The following OPRK1 variants were observed in gnomAD, a reference collection of about 807,000 sequenced individuals.
OPRK1 encodes the protein opioid receptor kappa 1.
In OPRK1, 15 loss-of-function variants were observed where a neutral mutation model predicts 24.5. The ratio of observed to expected loss-of-function variants is 0.61; its 90% CI spans 0.41 to 0.94. The LOEUF is 0.94. OPRK1 is among the 40% of genes least tolerant of loss of function. OPRK1 has a pLI of 0.00. For synonymous variants in OPRK1, 205 were observed against 198.0 expected (o/e 1.04, Z -0.30); for missense variants, 479 against 507.3 (o/e 0.94, Z 0.54).
intron 2 of OPRK1, among the ~76,000 whole-genome samples, chr8:53,248,778 G>C (rs1260069460): frequency 6.6e-6 from 1 of 152,206 alleles, no homozygotes; most frequent in Non-Finnish European, 1.5e-5. Context: ...AAGTGAACTA[G>C]ATAGATTTCA....
At chr8:53,233,911 C>G (rs1343798041) in intron 3 of OPRK1, among the ~76,000 whole-genome samples, 1 of 152,046 alleles carries the variant, frequency 6.6e-6, no homozygotes, top group Non-Finnish European at 1.5e-5. Context: ...AAAACATCAA[C>G]AGGGGGCCGG....
intron 2 of OPRK1, among the ~76,000 whole-genome samples, chr8:53,247,899 G>C (rs2128810466): frequency 6.9e-6 from 1 of 145,644 alleles, no homozygotes; most frequent in South Asian, 2.2e-4. Flanking sequence ...GCTGAGGTGA[G>C]AGAATTGCTT....
At chr8:53,240,153 A>G (rs1376393699) in intron 2 of OPRK1, among the ~76,000 whole-genome samples, 1 of 152,224 alleles carries the variant, frequency 6.6e-6, no homozygotes, top group African/African-American at 2.4e-5. Context: ...TGTCATGTAC[A>G]TTGTGGAATT....
At chr8:53,235,671 T>C (rs920485986) in intron 2 of OPRK1, among the ~76,000 whole-genome samples, 2 of 152,224 alleles carry the variant, frequency 1.3e-5, no homozygotes, top group Non-Finnish European at 2.9e-5. Context: ...TAATTTGTCA[T>C]TTTAAATATA....
At chr8:53,249,072 T>C (rs1190196487) in intron 2 of OPRK1, among the ~76,000 whole-genome samples, 3 of 152,222 alleles carry the variant, frequency 2.0e-5, no homozygotes, top group Non-Finnish European at 2.9e-5. Context: ...CATCTAAATG[T>C]TATTTTAGGA....
intron 2 of OPRK1, 54 bp from the exon 3 acceptor site, chr8:53,235,165 G>T: frequency 6.8e-7 from 1 of 1,461,440 alleles, no homozygotes; most frequent in Non-Finnish European, 9.4e-7. Flanking sequence ...AAACCCATAA[G>T]GTGAATGTGT....
At chr8:53,237,070 T>G (rs1807013036) in intron 2 of OPRK1, among the ~76,000 whole-genome samples, 1 of 152,170 alleles carries the variant, frequency 6.6e-6, no homozygotes, top group Admixed American at 6.5e-5. Context: ...CAGGGGTAAT[T>G]AATGAATGCA....
chr8:53,243,986 A>C (rs1437770600), intron 2 of OPRK1, among the ~76,000 whole-genome samples: 1 of 152,170 alleles, frequency 6.6e-6, no homozygotes, highest in Non-Finnish European at 1.5e-5. Context: ...ACTTAGGAGA[A>C]TGTGGAACAT....
rs767684269 is a variant in OPRK1, at chr8:53,228,908, T to C, written c.*389A>G. On this transcript the variant is annotated 3_prime_UTR_variant, in exon 4 of 4. Transcript: ENST00000265572. ...CATCTGGATTGGATGCCCATTGAGC[T>C]CTGAAAGCAATGTTTTTTCTTTTCC... 2 of 166,780 alleles carry C rather than the reference T, an allele frequency of 1.2e-5. No individual in the cohort carries two copies. The highest frequency in any genetic ancestry group is 2.6e-5 in the Non-Finnish European group (2 of 76,664). The allele number at this position is 166,780 out of a possible 1,614,324, so 10.3% of individuals were successfully genotyped here.
intron 2 of OPRK1, among the ~76,000 whole-genome samples, chr8:53,246,280 C>A (rs73589387): frequency 1.3e-5 from 2 of 151,976 alleles, no homozygotes; most frequent in Non-Finnish European, 2.9e-5. Context: ...TGGCCTAAAA[C>A]GAGCATCTGA....
At position 53,236,067 on chromosome 8, in the gene OPRK1, C is replaced by T. The variant is rs74613408; in HGVS notation, c.258-956G>A. Among the ~76,000 whole-genome samples the T allele has an allele frequency of 3.4e-4, 52 of 152,262 alleles. No individual in the cohort carries two copies. In the East Asian group the frequency reaches 8.3e-3, roughly 24 times the overall value. On this transcript the variant is annotated intron_variant, in intron 2 of 3. Coordinates refer to ENST00000265572, the MANE Select transcript of OPRK1 (RefSeq NM_000912.5). ...GTTGGGAAAATCCATACGTTGATTA[C>T]TTTCTACAGCCTCAGATTTGAAGAT...
chr8:53,240,992 C>T (rs1807100691), intron 2 of OPRK1, among the ~76,000 whole-genome samples: 1 of 152,040 alleles, frequency 6.6e-6, no homozygotes. Flanking sequence ...CTCACCAAAG[C>T]TTGTGGGTGG....
At chr8:53,251,403 C>T (rs1807395923) in intron 1 of OPRK1, 45 bp downstream of exon 1, 1 of 319,224 alleles carries the variant, frequency 3.1e-6, no homozygotes, top group Non-Finnish European at 5.7e-6. Context: ...CACCTCCCAG[C>T]ACGGAGCTCT....
chr8:53,225,983 C>T lies in OPRK1; in HGVS notation c.*3314G>A, dbSNP rs200265524. 1 of 152,116 alleles carries T rather than the reference C, an allele frequency of 6.6e-6. No individual in the cohort carries two copies. The highest frequency in any genetic ancestry group is 6.5e-5 in the Admixed American group (1 of 15,274). 9.4% of individuals were successfully genotyped at this position (152,116 alleles called of 1,614,324 possible). On this transcript the variant is annotated 3_prime_UTR_variant, in exon 4 of 4. Coordinates refer to ENST00000265572, the MANE Select transcript of OPRK1 (RefSeq NM_000912.5). ...TAAATCTCATTGATAGGACACACAA[C>T]CTTTCACAGCTTTCACTTTACAATG...
At chr8:53,231,125 C>G (rs1366348055) in intron 3 of OPRK1, among the ~76,000 whole-genome samples, 1 of 152,056 alleles carries the variant, frequency 6.6e-6, no homozygotes, top group Non-Finnish European at 1.5e-5. Context: ...ATGAACACTT[C>G]CAGAGAAATT....
chr8:53,248,707 A>T (rs953725932), intron 2 of OPRK1, among the ~76,000 whole-genome samples: 14 of 152,252 alleles, frequency 9.2e-5, no homozygotes, highest in African/African-American at 3.4e-4. Flanking sequence ...TGAGTGAACT[A>T]GGTTCACTAG....
intron 2 of OPRK1, among the ~76,000 whole-genome samples, chr8:53,243,274 G>A (rs904352697): frequency 1.3e-5 from 2 of 152,172 alleles, no homozygotes; most frequent in Admixed American, 1.3e-4. Context: ...AATGAAGGGA[G>A]GTGCCAACTG....
At chr8:53,249,232 AT>A (rs959115104) in intron 2 of OPRK1, among the ~76,000 whole-genome samples, 4 of 151,956 alleles carry the variant, frequency 2.6e-5, no homozygotes, top group Admixed American at 6.6e-5. Context: ...AAACAGAGCT[AT>A]TTTTTTTCCT....
chr8:53,250,697 C>T, intron 2 of OPRK1, 84 bp downstream of exon 2: 1 of 1,402,748 alleles, frequency 7.1e-7, no homozygotes, highest in South Asian at 1.4e-5. Flanking sequence ...TGGCTGGCTG[C>T]CCCCACTGCT....
Sources: allele counts gnomAD v4.1 joint callset (sites outside exome capture counted in the v4.1 genomes callset), GRCh38; gene constraint gnomAD v4.1.1; transcripts MANE v1.5; gene names NCBI Gene and HGNC (gene_info 2026-07-23, HGNC 2026-07-21).